The following THRB variants were observed in gnomAD, a reference collection of about 807,000 sequenced individuals.
THRB encodes nuclear receptor subfamily 1 group A member 2.
A neutral mutation model predicts 47.8 loss-of-function variants in THRB; 12 were observed. That is an observed-to-expected ratio of 0.25 (90% confidence interval 0.16 to 0.41). The LOEUF (loss-of-function observed/expected upper bound fraction) is 0.41, where lower values mean the gene tolerates loss of function less well. Ranked by LOEUF, THRB falls within the 10% of genes least tolerant of loss-of-function variation. The probability of loss-of-function intolerance (pLI) is 1.00; values close to 1 mark genes in which losing one functional copy is unlikely to be tolerated. For missense variants in THRB, 348 were observed against 589.2 expected, an observed-to-expected ratio of 0.59 and a Z score of 4.24; for synonymous variants, 218 against 212.2, an observed-to-expected ratio of 1.03 and a Z score of -0.24.
intron 1 of THRB, among the ~76,000 whole-genome samples, chr3:24,399,938 AC>A (rs2067266565): frequency 6.6e-6 from 1 of 152,082 alleles, no homozygotes; most frequent in Non-Finnish European, 1.5e-5. Flanking sequence ...CCTCACCAGA[AC>A]TTTTTTCTCT....
chr3:24,461,388 G>A (rs542563856), intron 1 of THRB, among the ~76,000 whole-genome samples: 1 of 152,254 alleles, frequency 6.6e-6, no homozygotes, highest in East Asian at 1.9e-4. Context: ...TACATAGCTG[G>A]TATACTGTAT....
At chr3:24,227,474 T>C (rs1431430949) in intron 4 of THRB, among the ~76,000 whole-genome samples, 1 of 152,120 alleles carries the variant, frequency 6.6e-6, no homozygotes. Flanking sequence ...TTGGTGCCTG[T>C]TGATGTGAAA....
At chr3:24,242,520 A>G (rs1200115507) in intron 3 of THRB, among the ~76,000 whole-genome samples, 1 of 152,126 alleles carries the variant, frequency 6.6e-6, no homozygotes, top group Non-Finnish European at 1.5e-5. Context: ...CTTCCCACAA[A>G]TAACACATTT....
chr3:24,217,989 G>A (rs1235444171), intron 4 of THRB, among the ~76,000 whole-genome samples: 7 of 152,020 alleles, frequency 4.6e-5, no homozygotes, highest in Non-Finnish European at 1.0e-4. Context: ...TTTCCTGGCC[G>A]GGTGCTGTGG....
intron 4 of THRB, among the ~76,000 whole-genome samples, chr3:24,208,972 C>CA (rs1309598506): frequency 6.6e-6 from 1 of 152,094 alleles, no homozygotes; most frequent in African/African-American, 2.4e-5. Flanking sequence ...CCAGAATCTA[C>CA]AAAGAACTCA....
At chr3:24,303,193 A>G (rs1309302150) in intron 2 of THRB, among the ~76,000 whole-genome samples, 2 of 152,210 alleles carry the variant, frequency 1.3e-5, no homozygotes, top group African/African-American at 4.8e-5. Flanking sequence ...AATACAAAGA[A>G]AAAACAAATA....
At chr3:24,386,623 C>A (rs1033337382) in intron 1 of THRB, among the ~76,000 whole-genome samples, 2 of 152,076 alleles carry the variant, frequency 1.3e-5, no homozygotes, top group East Asian at 3.9e-4. Context: ...CATCATCATA[C>A]CTTGGCAAAA....
chr3:24,391,911 T>C (rs2066602412), intron 1 of THRB, among the ~76,000 whole-genome samples: 1 of 152,186 alleles, frequency 6.6e-6, no homozygotes, highest in Non-Finnish European at 1.5e-5. Flanking sequence ...CTTAGAGATG[T>C]GGATCCTGGC....
intron 3 of THRB, among the ~76,000 whole-genome samples, chr3:24,269,153 T>A (rs1267301657): frequency 6.6e-6 from 1 of 152,172 alleles, no homozygotes; most frequent in Non-Finnish European, 1.5e-5. Flanking sequence ...CTAAGAAATG[T>A]CAATTTGATT....
chr3:24,298,925 TTTAAG>T (rs1367166287), intron 2 of THRB, among the ~76,000 whole-genome samples: 3 of 152,212 alleles, frequency 2.0e-5, no homozygotes, highest in South Asian at 2.1e-4. Context: ...AGATAAGTTT[TTTAAG>T]TTAATATTTT....
chr3:24,219,092 C>T (rs988258010), intron 4 of THRB, among the ~76,000 whole-genome samples: 5 of 152,008 alleles, frequency 3.3e-5, no homozygotes, highest in Non-Finnish European at 7.4e-5. Context: ...CATGGTGAGA[C>T]CCTGTCTCTG....
At chr3:24,326,401 A>G (rs145678042) in intron 2 of THRB, among the ~76,000 whole-genome samples, 3,649 of 152,066 alleles carry the variant, frequency 0.024, 48 homozygotes, top group Middle Eastern at 0.041. Flanking sequence ...ATGCCTGGCT[A>G]ATTTTCATAT....
At chr3:24,347,307 A>G (rs2063081555) in intron 1 of THRB, among the ~76,000 whole-genome samples, 1 of 152,050 alleles carries the variant, frequency 6.6e-6, no homozygotes, top group Non-Finnish European at 1.5e-5. Context: ...CAAGGATCTA[A>G]TAAGACAGTC....
At chr3:24,416,746 C>G (rs1371450404) in intron 1 of THRB, among the ~76,000 whole-genome samples, 1 of 151,804 alleles carries the variant, frequency 6.6e-6, no homozygotes, top group Non-Finnish European at 1.5e-5. Flanking sequence ...GGATCAGAGT[C>G]ACTTTGGGCT....
intron 4 of THRB, among the ~76,000 whole-genome samples, chr3:24,223,894 G>T (rs907955930): frequency 6.8e-6 from 1 of 147,922 alleles, no homozygotes; most frequent in Non-Finnish European, 1.5e-5. Context: ...ATGTGTGTGT[G>T]GGGGGGGTAT....
intron 10 of THRB, among the ~76,000 whole-genome samples, chr3:24,125,829 T>TGCCATATTC: frequency 6.6e-6 from 1 of 152,132 alleles, no homozygotes; most frequent in East Asian, 1.9e-4. Flanking sequence ...ACATCAAATT[T>TGCCATATTC]GCCATATTCT....
intron 1 of THRB, among the ~76,000 whole-genome samples, chr3:24,387,638 G>T (rs565999287): frequency 1.3e-5 from 2 of 152,200 alleles, no homozygotes; most frequent in South Asian, 4.2e-4. Flanking sequence ...CATGCAGTAG[G>T]CTATCAAAAA....
chr3:24,241,587 C>A (rs141233056), intron 3 of THRB, among the ~76,000 whole-genome samples: 171 of 152,254 alleles, frequency 1.1e-3, no homozygotes, highest in Middle Eastern at 6.8e-3. Context: ...AAGCACGTTG[C>A]CAATTAACAC....
At chr3:24,493,764 T>C (rs1253261651) in intron 1 of THRB, among the ~76,000 whole-genome samples, 1 of 152,206 alleles carries the variant, frequency 6.6e-6, no homozygotes, top group Non-Finnish European at 1.5e-5. Context: ...AAAAAATTCA[T>C]CTCATTTTCT....
Sources: gnomAD v4.1 joint callset for allele counts (sites outside exome capture counted in the v4.1 genomes callset) on GRCh38, gnomAD v4.1.1 for gene constraint, MANE v1.5 for transcripts, NCBI Gene and HGNC (gene_info 2026-07-23, HGNC 2026-07-21) for gene names.